RSRC1: variants seen among roughly 807,000 people sequenced by gnomAD.
The protein encoded by RSRC1 is arginine and serine rich coiled-coil 1, also known as serine/Arginine-related protein 53.
RSRC1 carries 39 observed loss-of-function variants against 49.1 expected under a neutral mutation model. The ratio of observed to expected loss-of-function variants is 0.79; its 90% CI spans 0.61 to 1.04. RSRC1 has a LOEUF of 1.04. Among genes scored for constraint, RSRC1 ranks in the 50% least tolerant of loss-of-function variants. The pLI is 0.00. For missense variants in RSRC1, 388 were observed against 402.4 expected, an observed-to-expected ratio of 0.96 and a Z score of 0.31; for synonymous variants, 143 against 130.8, an observed-to-expected ratio of 1.09 and a Z score of -0.63.
intron 7 of RSRC1, among the ~76,000 whole-genome samples, chr3:158,525,159 G>T (rs529943294): frequency 1.3e-5 from 2 of 151,962 alleles, no homozygotes; most frequent in South Asian, 4.1e-4. Context: ...GCAAATATTA[G>T]CAATATGTAT....
intron 7 of RSRC1, among the ~76,000 whole-genome samples, chr3:158,520,478 T>C (rs764792497): frequency 6.6e-5 from 10 of 152,164 alleles, no homozygotes; most frequent in Non-Finnish European, 1.5e-4. Flanking sequence ...CTTTGAGAAA[T>C]GGGCAGCAAA....
intron 7 of RSRC1, among the ~76,000 whole-genome samples, chr3:158,505,228 T>C (rs1026876485): frequency 6.6e-6 from 1 of 152,188 alleles, no homozygotes; most frequent in African/African-American, 2.4e-5. Context: ...TGCAGCACTT[T>C]TTTATGAAGT....
chr3:158,172,643 G>A (rs1718943423), intron 3 of RSRC1, among the ~76,000 whole-genome samples: 1 of 152,122 alleles, frequency 6.6e-6, no homozygotes, highest in Admixed American at 6.5e-5. Flanking sequence ...CAGGGAATGT[G>A]AACCCATTTT....
chr3:158,402,896 G>A (rs761606962), intron 6 of RSRC1, among the ~76,000 whole-genome samples: 5 of 151,842 alleles, frequency 3.3e-5, no homozygotes, highest in Admixed American at 6.6e-5. Flanking sequence ...ACTTCAGCTA[G>A]AGCCAGATGA....
intron 3 of RSRC1, among the ~76,000 whole-genome samples, chr3:158,198,723 G>A (rs1720822510): frequency 6.6e-6 from 1 of 152,070 alleles, no homozygotes; most frequent in African/African-American, 2.4e-5. Context: ...ACCTCAGTTG[G>A]AAATGCAGAA....
At chr3:158,229,790 A>T (rs951204147) in intron 4 of RSRC1, among the ~76,000 whole-genome samples, 1 of 151,964 alleles carries the variant, frequency 6.6e-6, no homozygotes, top group African/African-American at 2.4e-5. Context: ...TCTTGACTAC[A>T]CACATGTATA....
At chr3:158,508,564 T>C (rs1739991370) in intron 7 of RSRC1, among the ~76,000 whole-genome samples, 1 of 152,080 alleles carries the variant, frequency 6.6e-6, no homozygotes, top group South Asian at 2.1e-4. Flanking sequence ...TCTCTTTCTG[T>C]GGTTTCAGTT....
chr3:158,329,779 A>T (rs1729428200), intron 5 of RSRC1, among the ~76,000 whole-genome samples: 1 of 152,188 alleles, frequency 6.6e-6, no homozygotes, highest in Non-Finnish European at 1.5e-5. Flanking sequence ...AGGGACGTTT[A>T]ACTCTGCAGA....
chr3:158,422,896 G>A (rs1417689099), intron 6 of RSRC1, among the ~76,000 whole-genome samples: 3 of 151,776 alleles, frequency 2.0e-5, no homozygotes, highest in Admixed American at 6.6e-5. Context: ...GTCTGTTCAT[G>A]TCCTTCGCCC....
chr3:158,424,593 T>C (rs1735293358), intron 6 of RSRC1, among the ~76,000 whole-genome samples: 1 of 151,252 alleles, frequency 6.6e-6, no homozygotes, highest in Non-Finnish European at 1.5e-5. Flanking sequence ...GCTGGCCTCA[T>C]AAAATGAGTT....
chr3:158,159,133 T>C (rs1281746855), intron 3 of RSRC1, among the ~76,000 whole-genome samples: 1 of 152,052 alleles, frequency 6.6e-6, no homozygotes, highest in East Asian at 1.9e-4. Flanking sequence ...CCTGAGATTC[T>C]AGGATGTGAA....
At chr3:158,491,035 C>T (rs913607406) in intron 7 of RSRC1, among the ~76,000 whole-genome samples, 5 of 152,170 alleles carry the variant, frequency 3.3e-5, no homozygotes, top group African/African-American at 1.2e-4. Context: ...GAGGTCAGTA[C>T]ATTAAACTCT....
intron 3 of RSRC1, among the ~76,000 whole-genome samples, chr3:158,155,675 T>C (rs547712165): frequency 6.6e-6 from 1 of 150,656 alleles, no homozygotes; most frequent in Admixed American, 6.7e-5. Flanking sequence ...ACTACTGAGC[T>C]CAAGCAGTCT....
At chr3:158,483,457 G>C (rs1738696954) in intron 7 of RSRC1, among the ~76,000 whole-genome samples, 1 of 152,028 alleles carries the variant, frequency 6.6e-6, no homozygotes, top group South Asian at 2.1e-4. Context: ...ATTTAGATGT[G>C]ATAACATGTA....
chr3:158,462,479 G>T (rs1425398233), intron 7 of RSRC1, among the ~76,000 whole-genome samples: 2 of 151,902 alleles, frequency 1.3e-5, no homozygotes. Flanking sequence ...TGTTGTAGTG[G>T]TTATTAGCCT....
intron 4 of RSRC1, among the ~76,000 whole-genome samples, chr3:158,219,199 T>A (rs1229429048): frequency 1.3e-5 from 2 of 151,574 alleles, no homozygotes; most frequent in Non-Finnish European, 3.0e-5. Flanking sequence ...TTCCTCTTTT[T>A]TGGGGAGTAA....
intron 4 of RSRC1, among the ~76,000 whole-genome samples, chr3:158,253,972 G>A (rs1559963156): frequency 2.0e-5 from 3 of 152,208 alleles, no homozygotes; most frequent in South Asian, 4.1e-4. Flanking sequence ...GTGTCCAAGT[G>A]TTCTCATTGT....
rs1193862703 is a variant in RSRC1 at position 158,124,593 on chromosome 3, C to T, written c.320+602C>T. On this transcript the variant is annotated intron_variant, in intron 3 of 9. Coordinates refer to ENST00000611884, the MANE Select transcript of RSRC1 (RefSeq NM_001271838.2). The stretch of plus-strand genomic sequence containing the variant: ...AGGTTTTTGCTTACTGATTCAATCT[C>T]CTTGTTAGTTATACGTCTGTTAAGA... Among the ~76,000 whole-genome samples, 6 of 152,062 alleles carry T rather than the reference C, an allele frequency of 3.9e-5. No homozygotes were observed. The South Asian group carries it at 1.0e-3, about 26-fold the overall frequency.
chr3:158,517,844 T>G (rs1050660085), intron 7 of RSRC1, among the ~76,000 whole-genome samples: 1 of 141,460 alleles, frequency 7.1e-6, no homozygotes, highest in Non-Finnish European at 1.5e-5. Flanking sequence ...ACTCAGGCAG[T>G]CCTCCTGCCT....
Sources: gnomAD v4.1 joint callset for allele counts (sites outside exome capture counted in the v4.1 genomes callset) on GRCh38, gnomAD v4.1.1 for gene constraint, MANE v1.5 for transcripts, NCBI Gene and HGNC (gene_info 2026-07-23, HGNC 2026-07-21) for gene names.